The following RELN variants were observed in gnomAD, a reference collection of about 807,000 sequenced individuals.
RELN encodes the protein reelin.
In RELN, 108 loss-of-function variants were observed where a neutral mutation model predicts 427.6. The ratio of observed to expected loss-of-function variants is 0.25; its 90% CI spans 0.22 to 0.30. The LOEUF (loss-of-function observed/expected upper bound fraction) is 0.30, where lower values mean the gene tolerates loss of function less well. Ranked by LOEUF, RELN falls within the 10% of genes least tolerant of loss-of-function variation. The pLI is 1.00. For synonymous variants in RELN, 1,524 were observed against 1,513.4 expected, an observed-to-expected ratio of 1.01 and a Z score of -0.16; for missense variants, 3,715 against 4,302.8, an observed-to-expected ratio of 0.86 and a Z score of 3.82.
At chr7:103,920,915 A>T (rs1795603806) in intron 1 of RELN, among the ~76,000 whole-genome samples, 4 of 152,160 alleles carry the variant, frequency 2.6e-5, no homozygotes. Flanking sequence ...AAACATTTAT[A>T]TTAAAAAGTT....
intron 6 of RELN, among the ~76,000 whole-genome samples, chr7:103,747,220 A>C (rs996469119): frequency 6.8e-6 from 1 of 146,484 alleles, no homozygotes; most frequent in Non-Finnish European, 1.5e-5. Flanking sequence ...CAATGAGAAC[A>C]CATGGCCACA....
intron 4 of RELN, among the ~76,000 whole-genome samples, chr7:103,774,296 CAAAAA>C (rs35834080): frequency 1.7e-5 from 2 of 121,034 alleles, no homozygotes; most frequent in Admixed American, 8.4e-5. Context: ...GACTTTGTCT[CAAAAA>C]AAAAAAAAAA....
In RELN at chr7:103,989,287, G is replaced by T; in HGVS notation, c.70C>A (p.Arg24Ser). The change falls in exon 1 of 65, where the codon CGC becomes AGC. Residue 24 changes from arginine to serine, a missense_variant. Arg to Ser is a moderately radical substitution (Grantham distance 110). Transcript: ENST00000428762. The surrounding 1 kb of genome is among the most constrained non-coding windows in gnomAD (Gnocchi z 4.9). Reference protein sequence around the residue: ...ALLLGATLRARAAAGYYPRFS... With the variant: ...ALLLGATLRASAAAGYYPRFS... ...CGGGGGTAATAGCCAGCCGCCGCGC[G>T]CGCCCTCAGCGTCGCCCCCAGCAAC... 1.2e-6 allele frequency: 2 copies of T among 1,612,662 alleles called. No individual in the cohort carries two copies. Among genetic ancestry groups the T allele is most frequent in the Non-Finnish European group, 1.7e-6 (2 of 1,179,552 alleles).
At chr7:103,879,076 A>G (rs1202981913) in intron 2 of RELN, among the ~76,000 whole-genome samples, 1 of 152,228 alleles carries the variant, frequency 6.6e-6, no homozygotes, top group African/African-American at 2.4e-5. Context: ...ATTGTTAACT[A>G]CATCCTCTTC....
chr7:103,649,381 T>C (rs769053078), intron 16 of RELN, among the ~76,000 whole-genome samples: 2 of 151,970 alleles, frequency 1.3e-5, no homozygotes, highest in Non-Finnish European at 2.9e-5. Context: ...CTAAATAATG[T>C]GTACACATGG....
chr7:103,733,114 C>G (rs1215909512), intron 6 of RELN, among the ~76,000 whole-genome samples: 2 of 152,038 alleles, frequency 1.3e-5, no homozygotes, highest in East Asian at 3.9e-4. Context: ...ACAACCCCAT[C>G]AAAAAGTGGG....
intron 28 of RELN, among the ~76,000 whole-genome samples, chr7:103,583,174 A>G (rs1013928398): frequency 1.8e-4 from 28 of 152,328 alleles, no homozygotes; most frequent in African/African-American, 5.3e-4. Flanking sequence ...ACCATATGCT[A>G]TTCTCTCTGA....
chr7:103,499,192 G>A (rs1828939739), intron 53 of RELN, among the ~76,000 whole-genome samples: 1 of 152,216 alleles, frequency 6.6e-6, no homozygotes. Context: ...AGGCCAAGTT[G>A]CAGGGTGATA....
At position 103,596,451 on chromosome 7, in the gene RELN, G is replaced by T. The variant is rs1831538939; in HGVS notation, c.3539+5C>A. 1 of 1,611,450 alleles carries T rather than the reference G, an allele frequency of 6.2e-7. No individual in the cohort carries two copies. Among genetic ancestry groups the T allele is most frequent in the African/African-American group, 1.3e-5 (1 of 74,870 alleles). On this transcript the variant is annotated splice_donor_5th_base_variant and intron_variant, in intron 25 of 64. Transcript: ENST00000428762. ...TAATGCGAGGACCATCAGGTGGGTA[G>T]TTACCTGGGTTTGCTGAAGTCTGAA... is the stretch of plus-strand genomic sequence containing the variant.
intron 1 of RELN, among the ~76,000 whole-genome samples, chr7:103,938,043 G>A (rs189404066): frequency 8.3e-4 from 127 of 152,184 alleles, no homozygotes; most frequent in Non-Finnish European, 1.2e-3. Context: ...GTTCCTGGCC[G>A]GGCGTGGTGG....
intron 60 of RELN, among the ~76,000 whole-genome samples, chr7:103,488,251 G>A (rs1318680439): frequency 6.6e-6 from 1 of 152,190 alleles, no homozygotes; most frequent in Non-Finnish European, 1.5e-5. Context: ...TGGCATTTAA[G>A]TAAGATATTA....
At chr7:103,592,160 T>G (rs1044929506) in intron 27 of RELN, among the ~76,000 whole-genome samples, 1 of 152,140 alleles carries the variant, frequency 6.6e-6, no homozygotes, top group Non-Finnish European at 1.5e-5. Flanking sequence ...TACTACCCAA[T>G]AGGTAGTTTT....
At position 103,545,209 on chromosome 7, in the gene RELN, G is replaced by C. The variant is rs747215261; in HGVS notation, c.6438C>G (p.Thr2146=). ...AGTAGCCAGGGTCACATATACATTT[G>C]GTTCCATTGATACAGCTCCCCTGTC... is the stretch of plus-strand genomic sequence containing the variant. The part of the protein sequence containing the change: ...CNGQGSCING[T]KCICDPGYSG... Residue 2146 remains threonine (T), a synonymous_variant, in exon 42 of 65, where the codon ACC becomes ACG. Transcript: ENST00000428762. 1 of 1,614,038 alleles carries C rather than the reference G, an allele frequency of 6.2e-7. No homozygotes were observed. The highest frequency in any genetic ancestry group is 1.1e-5 in the South Asian group (1 of 91,070).
intron 1 of RELN, among the ~76,000 whole-genome samples, chr7:103,926,515 G>C (rs545161977): frequency 6.6e-6 from 1 of 151,642 alleles, no homozygotes; most frequent in Non-Finnish European, 1.5e-5. Flanking sequence ...GATAATACTC[G>C]TGCGTATGTC....
intron 1 of RELN, among the ~76,000 whole-genome samples, chr7:103,979,922 G>A (rs541970781): frequency 6.6e-6 from 1 of 152,268 alleles, no homozygotes; most frequent in African/African-American, 2.4e-5. Flanking sequence ...AGCACTTTGG[G>A]AGGCCGAGGT....
chr7:103,491,871 C>A, intron 58 of RELN, 82 bp downstream of exon 58: 8 of 612,328 alleles, frequency 1.3e-5, no homozygotes, highest in East Asian at 3.5e-5. Flanking sequence ...CACACACACA[C>A]ACACACACAC....
intron 28 of RELN, among the ~76,000 whole-genome samples, chr7:103,579,761 T>G (rs895858938): frequency 1.3e-5 from 2 of 152,184 alleles, no homozygotes; most frequent in Non-Finnish European, 2.9e-5. Context: ...GGGGGATGCC[T>G]AAGTGAATCG....
rs767535167 is a variant in RELN at position 103,491,990 on chromosome 7, G to C, written c.9406C>G (p.Leu3136Val). 3.1e-6 allele frequency: 5 copies of C among 1,613,252 alleles called. No homozygotes were observed. The highest frequency in any genetic ancestry group is 1.3e-5 in the African/African-American group (1 of 74,864). Residue 3136 changes from leucine (L) to valine (V), a missense_variant, in exon 58 of 65, where the codon CTT becomes GTT. Physicochemically the swap from Leu to Val is conservative, Grantham distance 32. This residue lies in a region of RELN where 1,310 missense variants were observed against 1,643.0 expected (regional missense o/e 0.80). Coordinates refer to ENST00000428762, the MANE Select transcript of RELN (RefSeq NM_005045.4). ...VGCEATSCGD[L>V]HSVMLEYTKD... is the part of the protein sequence containing the mutation. ...GTGTATTCCAGCATTACGGAATGAA[G>C]GTCACCACAAGAAGTGGCTTCACAA...
intron 10 of RELN, among the ~76,000 whole-genome samples, chr7:103,693,286 T>A (rs1414953302): frequency 1.3e-5 from 2 of 150,034 alleles, no homozygotes; most frequent in Admixed American, 6.7e-5. Context: ...TAAGTGGGAA[T>A]TGAACAATGA....
Sources: allele counts gnomAD v4.1 joint callset (sites outside exome capture counted in the v4.1 genomes callset), GRCh38; gene constraint gnomAD v4.1.1; regional missense constraint gnomAD v4.1.1; non-coding constraint Gnocchi (gnomAD v3.1); transcripts MANE v1.5; gene names NCBI Gene and HGNC (gene_info 2026-07-23, HGNC 2026-07-21).